The following NRG1 variants were observed in gnomAD, a reference collection of about 807,000 sequenced individuals.
NRG1 encodes neuregulin 1, also known as pro-neuregulin-1, membrane-bound isoform.
A neutral mutation model predicts 63.8 loss-of-function variants in NRG1; 18 were observed. That is an observed-to-expected ratio of 0.28 (90% CI 0.19 to 0.42). The LOEUF is 0.42. Among genes scored for constraint, NRG1 ranks in the 10% least tolerant of loss-of-function variants. The pLI, the probability that NRG1 is intolerant of heterozygous loss-of-function variation, is 1.00. For synonymous variants in NRG1, 302 were observed against 301.3 expected, an observed-to-expected ratio of 1.00 and a Z score of -0.02; for missense variants, 762 against 814.7, an observed-to-expected ratio of 0.94 and a Z score of 0.79.
chr8:32,015,400 T>G (rs1815358642), intron 1 of NRG1, among the ~76,000 whole-genome samples: 1 of 151,884 alleles, frequency 6.6e-6, no homozygotes, highest in Non-Finnish European at 1.5e-5. Flanking sequence ...ACCTGTTTGG[T>G]CAGAAAAGTT....
intron 1 of NRG1, among the ~76,000 whole-genome samples, chr8:32,569,699 G>C (rs935900492): frequency 1.3e-5 from 2 of 151,630 alleles, no homozygotes; most frequent in Non-Finnish European, 2.9e-5. Flanking sequence ...ATACAGGCTT[G>C]TATAGAAATC....
chr8:32,692,570 A>T (rs1051534944), intron 5 of NRG1, among the ~76,000 whole-genome samples: 1 of 152,240 alleles, frequency 6.6e-6, no homozygotes, highest in Admixed American at 6.5e-5. Context: ...GGGTCATGGA[A>T]CAAAAATATC....
At chr8:32,395,698 T>C (rs1213849804) in intron 1 of NRG1, among the ~76,000 whole-genome samples, 1 of 152,120 alleles carries the variant, frequency 6.6e-6, no homozygotes, top group Non-Finnish European at 1.5e-5. Context: ...ACCTTTACAT[T>C]CCCTTACCAG....
intron 1 of NRG1, among the ~76,000 whole-genome samples, chr8:31,860,988 C>T (rs896992524): frequency 6.6e-6 from 1 of 152,084 alleles, no homozygotes; most frequent in Non-Finnish European, 1.5e-5. Context: ...TTCTACTCCA[C>T]AAAAAGAAAG....
At chr8:32,201,320 A>T (rs1843480490) in intron 1 of NRG1, among the ~76,000 whole-genome samples, 2 of 152,172 alleles carry the variant, frequency 1.3e-5, no homozygotes, top group Admixed American at 1.3e-4. Flanking sequence ...TATCAACCAG[A>T]ATCTAGCCTG....
At chr8:32,215,135 C>G (rs1845083502) in intron 1 of NRG1, among the ~76,000 whole-genome samples, 1 of 152,074 alleles carries the variant, frequency 6.6e-6, no homozygotes, top group African/African-American at 2.4e-5. Context: ...ATTTTATTTG[C>G]CTGAAATTCA....
At chr8:32,278,985 C>G (rs943452038) in intron 1 of NRG1, among the ~76,000 whole-genome samples, 1 of 152,158 alleles carries the variant, frequency 6.6e-6, no homozygotes, top group African/African-American at 2.4e-5. Context: ...TTGGATTTAA[C>G]CAGGTCTGAT....
chr8:31,771,350 A>G (rs1818606890), intron 1 of NRG1, among the ~76,000 whole-genome samples: 1 of 152,202 alleles, frequency 6.6e-6, no homozygotes, highest in Non-Finnish European at 1.5e-5. Context: ...TATGGATGTA[A>G]CACAGATTGT....
At chr8:31,819,527 C>A (rs151207325) in intron 1 of NRG1, among the ~76,000 whole-genome samples, 4 of 152,306 alleles carry the variant, frequency 2.6e-5, no homozygotes, top group African/African-American at 4.8e-5. Context: ...AATAAAATAA[C>A]CTCTTTTCCC....
intron 1 of NRG1, among the ~76,000 whole-genome samples, chr8:32,215,852 G>A (rs1563917618): frequency 6.6e-6 from 1 of 152,024 alleles, no homozygotes; most frequent in Non-Finnish European, 1.5e-5. Context: ...GCCCCATCTG[G>A]CCAACATGGT....
At chr8:32,100,271 A>T (rs144658197) in intron 1 of NRG1, among the ~76,000 whole-genome samples, 2 of 152,220 alleles carry the variant, frequency 1.3e-5, no homozygotes, top group African/African-American at 2.4e-5. Context: ...TGTGGGCAGG[A>T]TTGTTAAGTG....
At chr8:32,241,110 T>A (rs553128889) in intron 1 of NRG1, among the ~76,000 whole-genome samples, 1 of 152,288 alleles carries the variant, frequency 6.6e-6, no homozygotes, top group East Asian at 1.9e-4. Flanking sequence ...ATTTCTGCCC[T>A]GCAACCACAG....
At chr8:32,477,076 G>A (rs147052497) in intron 1 of NRG1, among the ~76,000 whole-genome samples, 53 of 152,288 alleles carry the variant, frequency 3.5e-4, no homozygotes, top group South Asian at 1.2e-3. Context: ...AATTCCAGGG[G>A]AGAATTGATG....
At chr8:31,979,241 C>G in intron 1 of NRG1, among the ~76,000 whole-genome samples, 1 of 152,080 alleles carries the variant, frequency 6.6e-6, no homozygotes, top group East Asian at 1.9e-4. Context: ...ATGGGTTAAC[C>G]CAGGTTCTTG....
chr8:31,743,607 C>A (rs956863193), intron 1 of NRG1, among the ~76,000 whole-genome samples: 1 of 151,528 alleles, frequency 6.6e-6, no homozygotes, highest in East Asian at 2.0e-4. Flanking sequence ...TGTGCACATG[C>A]ACACATCCAG....
At chr8:31,649,754 C>T (rs1247941654) in intron 1 of NRG1, among the ~76,000 whole-genome samples, 1 of 152,118 alleles carries the variant, frequency 6.6e-6, no homozygotes, top group African/African-American at 2.4e-5. Flanking sequence ...AGAAAACAGT[C>T]CTCCAAGGTC....
intron 1 of NRG1, among the ~76,000 whole-genome samples, chr8:32,405,955 C>CA (rs1190151365): frequency 6.6e-6 from 1 of 152,064 alleles, no homozygotes; most frequent in East Asian, 1.9e-4. Flanking sequence ...ACAAGTGTTA[C>CA]AAAAAAGACG....
intron 1 of NRG1, among the ~76,000 whole-genome samples, chr8:32,131,560 T>A (rs1225375458): frequency 6.6e-6 from 1 of 152,068 alleles, no homozygotes; most frequent in Admixed American, 6.6e-5. Context: ...AATATCCATG[T>A]TGATGAGTGT....
chr8:32,089,681 A>G (rs1474210299), intron 1 of NRG1, among the ~76,000 whole-genome samples: 1 of 152,220 alleles, frequency 6.6e-6, no homozygotes, highest in Non-Finnish European at 1.5e-5. Context: ...GATTGAGTTT[A>G]AGAGTATCAG....
Sources: allele counts gnomAD v4.1 joint callset (sites outside exome capture counted in the v4.1 genomes callset), GRCh38; gene constraint gnomAD v4.1.1; transcripts MANE v1.5; gene names NCBI Gene and HGNC (gene_info 2026-07-23, HGNC 2026-07-21).